PCDHGB3: variants seen among roughly 807,000 people sequenced by gnomAD.
PCDHGB3 encodes protocadherin gamma-B3.
A neutral mutation model predicts 59.2 loss-of-function variants in PCDHGB3; 40 were observed. The ratio of observed to expected loss-of-function variants is 0.68; its 90% CI spans 0.52 to 0.88. PCDHGB3 has a LOEUF of 0.88. Ranked by LOEUF, PCDHGB3 falls within the 40% of genes least tolerant of loss-of-function variation. PCDHGB3 has a pLI of 0.00. For synonymous variants in PCDHGB3, 581 were observed against 503.6 expected, an observed-to-expected ratio of 1.15 and a Z score of -2.06; for missense variants, 1,309 against 1,187.9, an observed-to-expected ratio of 1.10 and a Z score of -1.50.
At chr5:141,441,087 TGACA>T (rs1168679217) in intron 1 of PCDHGB3, 1 of 152,174 alleles carries the variant, frequency 6.6e-6, no homozygotes, top group Non-Finnish European at 1.5e-5. Flanking sequence ...TGGTAGCAAG[TGACA>T]GAGAGGGACT....
chr5:141,391,359 C>T (rs2092363338), intron 1 of PCDHGB3: 1 of 149,724 alleles, frequency 6.7e-6, no homozygotes, highest in African/African-American at 2.5e-5. Flanking sequence ...GTTACTCAGG[C>T]TGTAGTGCAG....
chr5:141,407,970 C>T, intron 1 of PCDHGB3: 2 of 716,252 alleles, frequency 2.8e-6, no homozygotes, highest in Non-Finnish European at 4.3e-6. Context: ...CAAGCGCTGA[C>T]GCCGGGGATC....
chr5:141,491,014 G>A lies in PCDHGB3; in HGVS notation c.2416-3793G>A, dbSNP rs761902295. On this transcript the variant is annotated intron_variant, in intron 1 of 3. Transcript: ENST00000576222. This position sits in a 1 kb window ranked among gnomAD's most constrained non-coding sequence, Gnocchi z 6.9. ...TCCTCCTGGCTCCTTGGTCACCAAG[G>A]TGACAGCCGTGGATGCTGATGCAGG... 6 of 1,614,134 alleles carry A rather than the reference G, an allele frequency of 3.7e-6. No individual in the cohort carries two copies. Among genetic ancestry groups the A allele is most frequent in the Non-Finnish European group, 4.2e-6 (5 of 1,180,044 alleles).
chr5:141,413,351 C>A (rs774333807), intron 1 of PCDHGB3: 6 of 1,613,932 alleles, frequency 3.7e-6, no homozygotes, highest in South Asian at 1.1e-5. Flanking sequence ...TTGGGTCTGG[C>A]GCCCCGGGAG....
At chr5:141,494,954 G>A in intron 2 of PCDHGB3, 89 bp downstream of exon 2, 2 of 1,601,116 alleles carry the variant, frequency 1.2e-6, no homozygotes. Context: ...CCCAGCATTT[G>A]CTACAGATGG....
intron 1 of PCDHGB3, chr5:141,415,504 C>G (rs1444248720): frequency 1.2e-6 from 2 of 1,614,216 alleles, no homozygotes; most frequent in South Asian, 2.2e-5. Flanking sequence ...CTTCCCCCAG[C>G]CCAATTATGC....
chr5:141,428,117 G>A lies in PCDHGB3; in HGVS notation c.2415+55308G>A, dbSNP rs980705077. 5 of 1,606,984 alleles carry A rather than the reference G, an allele frequency of 3.1e-6. No individual in the cohort carries two copies. The African/African-American group carries it at 6.7e-5, about 21-fold the overall frequency. Reference sequence around the variant, plus strand: ...CCTACCACGTGCTGCAGGCCATCGAGCCCGGGCTTTTCAGCCTGGGGCTGC... The same window carrying A: ...CCTACCACGTGCTGCAGGCCATCGAACCCGGGCTTTTCAGCCTGGGGCTGC... On this transcript the variant is annotated intron_variant, in intron 1 of 3. Coordinates refer to ENST00000576222, the MANE Select transcript of PCDHGB3 (RefSeq NM_018924.5).
intron 1 of PCDHGB3, chr5:141,419,541 G>A: frequency 6.2e-7 from 1 of 1,612,076 alleles, no homozygotes; most frequent in Non-Finnish European, 8.5e-7. Context: ...AACGCACCGC[G>A]GGTGCTGTAC....
At chr5:141,433,641 G>C (rs1177387884) in intron 1 of PCDHGB3, among the ~76,000 whole-genome samples, 1 of 152,104 alleles carries the variant, frequency 6.6e-6, no homozygotes, top group Admixed American at 6.5e-5. Flanking sequence ...TTTGAGACCA[G>C]CCTGACCAAC....
intron 1 of PCDHGB3, among the ~76,000 whole-genome samples, chr5:141,407,428 G>A (rs1211459456): frequency 6.6e-6 from 1 of 151,524 alleles, no homozygotes; most frequent in Non-Finnish European, 1.5e-5. Context: ...AATGTCTCTT[G>A]CCCTTAAAAC....
intron 1 of PCDHGB3, chr5:141,413,946 G>A: frequency 6.2e-7 from 1 of 1,613,414 alleles, no homozygotes; most frequent in Non-Finnish European, 8.5e-7. Flanking sequence ...GTGTTCCTGA[G>A]AATTTGCCTG....
At chr5:141,435,728 A>T (rs549219746) in intron 1 of PCDHGB3, among the ~76,000 whole-genome samples, 1 of 152,200 alleles carries the variant, frequency 6.6e-6, no homozygotes, top group Non-Finnish European at 1.5e-5. Flanking sequence ...GCTAAAGTGT[A>T]TTACTCTTTG....
intron 1 of PCDHGB3, chr5:141,430,569 G>A (rs1252716330): frequency 4.5e-6 from 2 of 439,930 alleles, no homozygotes; most frequent in African/African-American, 4.1e-5. Flanking sequence ...GGAGAGAAAA[G>A]CGGAGATCCT....
At position 141,487,447 on chromosome 5, in the gene PCDHGB3, C is replaced by A. The variant is rs758411138; in HGVS notation, c.2416-7360C>A. 4.3e-6 allele frequency: 7 copies of A among 1,614,182 alleles called. No homozygotes were observed. The highest frequency in any genetic ancestry group is 5.9e-6 in the Non-Finnish European group (7 of 1,180,028). Reference sequence around the variant, plus strand: ...TCCGAATCCAGCTAGGGTCAGATGACCCTATCAAGTTTGTTGATGTGGGAG... The same window carrying A: ...TCCGAATCCAGCTAGGGTCAGATGAACCTATCAAGTTTGTTGATGTGGGAG... On this transcript the variant is annotated intron_variant, in intron 1 of 3. Coordinates refer to ENST00000576222, the MANE Select transcript of PCDHGB3 (RefSeq NM_018924.5). The surrounding 1 kb of genome is among the most constrained non-coding windows in gnomAD (Gnocchi z 5.0).
intron 1 of PCDHGB3, among the ~76,000 whole-genome samples, chr5:141,381,815 T>A (rs1721316177): frequency 7.0e-6 from 1 of 142,092 alleles, no homozygotes; most frequent in South Asian, 2.2e-4. Flanking sequence ...TTTCTTTCTT[T>A]CTTTCTTCTT....
rs778027776 is a variant in PCDHGB3 at position 141,372,739 on chromosome 5, G to T, written c.2345G>T (p.Cys782Phe). The T allele has an allele frequency of 1.2e-6, 2 of 1,613,668 alleles. No individual in the cohort carries two copies. The highest frequency in any genetic ancestry group is 2.2e-5 in the South Asian group (2 of 91,038). Reference protein sequence around the residue: ...AENAAPQDLLCDEASWFESND... With the variant: ...AENAAPQDLLFDEASWFESND... ...AATGCTGCACCACAAGATCTTCTAT[G>T]TGATGAAGCCTCTTGGTTTGAAAGT... Residue 782 changes from cysteine to phenylalanine, a missense_variant, in exon 1 of 4, where the codon TGT becomes TTT. Physicochemically the swap from Cys to Phe is radical, Grantham distance 205. Transcript: ENST00000576222.
chr5:141,388,592 T>C (rs1435796614), intron 1 of PCDHGB3: 1 of 1,613,880 alleles, frequency 6.2e-7, no homozygotes, highest in Non-Finnish European at 8.5e-7. Context: ...CTGATGCCAA[T>C]GATAATGCTC....
At chr5:141,467,214 G>A (rs1333148694) in intron 1 of PCDHGB3, among the ~76,000 whole-genome samples, 1 of 151,856 alleles carries the variant, frequency 6.6e-6, no homozygotes, top group Admixed American at 6.6e-5. Context: ...CACCATGCCT[G>A]GCTAATTTTT....
At chr5:141,415,063 G>A (rs569362520) in intron 1 of PCDHGB3, 3 of 1,613,432 alleles carry the variant, frequency 1.9e-6, no homozygotes, top group Admixed American at 1.7e-5. Flanking sequence ...CACGGGCGAG[G>A]TGCGCACGGC....
Sources: gnomAD v4.1 joint callset for allele counts (sites outside exome capture counted in the v4.1 genomes callset) on GRCh38, gnomAD v4.1.1 for gene constraint, Gnocchi (gnomAD v3.1) non-coding constraint, MANE v1.5 for transcripts, NCBI Gene and HGNC (gene_info 2026-07-23, HGNC 2026-07-21) for gene names.